Variants in ARL15 observed in about 807,000 individuals in gnomAD.
The protein encoded by ARL15 is ARF like GTPase 15.
ARL15 carries 19 observed loss-of-function variants against 25.2 expected under a neutral mutation model. The observed-to-expected ratio is 0.75, with a 90% CI of 0.53 to 1.10. The LOEUF (loss-of-function observed/expected upper bound fraction) is 1.10. Among genes scored for constraint, ARL15 ranks in the 50% least tolerant of loss-of-function variants. The probability of loss-of-function intolerance (pLI) is 0.00; values close to 1 mark genes in which losing one functional copy is unlikely to be tolerated. For synonymous variants in ARL15, 94 were observed against 86.8 expected (o/e 1.08, Z -0.46); for missense variants, 220 against 246.0 (o/e 0.89, Z 0.71).
Position 54,107,665 on chromosome 5 carries a change from C to T in ARL15, c.462+5537G>A, listed in dbSNP as rs946467608. The stretch of plus-strand genomic sequence containing the variant: ...AAAAAAGAGTACGAATTGAAAAAGG[C>T]TTCAAAATGTTCACTTTACATAAAA... On this transcript the variant is annotated intron_variant, in intron 4 of 4. Coordinates refer to ENST00000504924, the MANE Select transcript of ARL15 (RefSeq NM_019087.3). Among the ~76,000 whole-genome samples, 39 of 151,932 alleles carry T rather than the reference C, an allele frequency of 2.6e-4. 1 individual carries two copies. The highest frequency in any genetic ancestry group is 2.6e-3 in the Admixed American group (39 of 15,236).
chr5:53,891,693 T>G (rs1744713841), intron 4 of ARL15, among the ~76,000 whole-genome samples: 1 of 152,146 alleles, frequency 6.6e-6, no homozygotes, highest in Non-Finnish European at 1.5e-5. Flanking sequence ...ATGTTCCCTC[T>G]GTGAAAAACT....
intron 4 of ARL15, among the ~76,000 whole-genome samples, chr5:54,110,453 GCCT>G (rs1554040914): frequency 6.6e-6 from 1 of 151,982 alleles, no homozygotes; most frequent in Non-Finnish European, 1.5e-5. Context: ...AGAATCAATA[GCCT>G]TTATGACTGA....
intron 4 of ARL15, among the ~76,000 whole-genome samples, chr5:53,986,862 C>A (rs1486082503): frequency 1.3e-5 from 2 of 152,092 alleles, no homozygotes; most frequent in Admixed American, 6.6e-5. Flanking sequence ...CGGGAGCAAA[C>A]AGAGGAACCG....
chr5:54,097,165 C>T (rs1392003789), intron 4 of ARL15, among the ~76,000 whole-genome samples: 1 of 152,042 alleles, frequency 6.6e-6, no homozygotes, highest in Non-Finnish European at 1.5e-5. Flanking sequence ...AAATAGAAAA[C>T]AATTAACTGG....
At chr5:54,050,318 T>C (rs1469567726) in intron 4 of ARL15, among the ~76,000 whole-genome samples, 1 of 152,188 alleles carries the variant, frequency 6.6e-6, no homozygotes, top group Non-Finnish European at 1.5e-5. Flanking sequence ...AGAGATGAAA[T>C]TGTGCAGTTC....
At chr5:54,047,536 G>A (rs1447045757) in intron 4 of ARL15, among the ~76,000 whole-genome samples, 3 of 152,206 alleles carry the variant, frequency 2.0e-5, no homozygotes, top group African/African-American at 7.2e-5. Context: ...AAAGGACTCT[G>A]CTAGGGCATC....
intron 4 of ARL15, among the ~76,000 whole-genome samples, chr5:53,916,982 A>G (rs1377216472): frequency 6.6e-6 from 1 of 152,168 alleles, no homozygotes; most frequent in African/African-American, 2.4e-5. Flanking sequence ...GAAATACACA[A>G]AGCTTCAGCT....
intron 4 of ARL15, among the ~76,000 whole-genome samples, chr5:53,908,063 C>T (rs756322880): frequency 3.3e-5 from 5 of 152,118 alleles, no homozygotes; most frequent in Admixed American, 6.6e-5. Flanking sequence ...CATGCAGTTT[C>T]GCTTTCCGTG....
At chr5:54,051,071 A>C (rs1381660736) in intron 4 of ARL15, among the ~76,000 whole-genome samples, 1 of 152,192 alleles carries the variant, frequency 6.6e-6, no homozygotes, top group Non-Finnish European at 1.5e-5. Context: ...CAGAATAGGC[A>C]CTTGATAAAT....
chr5:54,195,418 C>T (rs1561261859), intron 1 of ARL15, among the ~76,000 whole-genome samples: 4 of 152,124 alleles, frequency 2.6e-5, no homozygotes. Flanking sequence ...CAACTGAAGG[C>T]CCCACAGTCA....
At chr5:54,001,637 C>T (rs552037940) in intron 4 of ARL15, among the ~76,000 whole-genome samples, 1 of 152,228 alleles carries the variant, frequency 6.6e-6, no homozygotes, top group Non-Finnish European at 1.5e-5. Context: ...TAAATCTGAG[C>T]ATCAAAGCAT....
At chr5:54,097,285 A>C (rs157234) in intron 4 of ARL15, among the ~76,000 whole-genome samples, 135,100 of 152,238 alleles carry the variant, frequency 0.89, 60,223 homozygotes, top group East Asian at 0.98. Context: ...TCACTGCACT[A>C]CAGCCTGGTG....
At chr5:54,005,793 C>T (rs1315795304) in intron 4 of ARL15, among the ~76,000 whole-genome samples, 3 of 150,930 alleles carry the variant, frequency 2.0e-5, no homozygotes, top group Non-Finnish European at 4.4e-5. Context: ...ACCCAGGAGG[C>T]GGAGCGTGCA....
intron 4 of ARL15, among the ~76,000 whole-genome samples, chr5:53,907,486 A>ATC (rs1175615384): frequency 8.9e-5 from 2 of 22,456 alleles, no homozygotes; most frequent in African/African-American, 4.3e-4. Context: ...ATATATATAT[A>ATC]TATTTTTTTT....
chr5:54,159,404 G>C (rs951384994), intron 2 of ARL15, among the ~76,000 whole-genome samples: 1 of 152,126 alleles, frequency 6.6e-6, no homozygotes, highest in Non-Finnish European at 1.5e-5. Context: ...TATCCTAGGA[G>C]TCCGAAGCAC....
chr5:54,046,572 G>A (rs1750523104), intron 4 of ARL15, among the ~76,000 whole-genome samples: 1 of 152,040 alleles, frequency 6.6e-6, no homozygotes, highest in Non-Finnish European at 1.5e-5. Flanking sequence ...ATACAAACCA[G>A]TTTGAATGAA....
Position 54,166,856 on chromosome 5 carries a change from C to A in ARL15, c.193+4928G>T, listed in dbSNP as rs1477646806. ...ATCATGATTTCTGGCCTCTTCCCAT[C>A]CCTGATAATCTTTGACTGACTGGCA... On this transcript the variant is annotated intron_variant, in intron 2 of 4. Transcript: ENST00000504924. Among the ~76,000 whole-genome samples, 4 of 152,128 alleles carry A rather than the reference C, an allele frequency of 2.6e-5. No homozygotes were observed. The East Asian group carries it at 7.7e-4, about 29-fold the overall frequency.
intron 4 of ARL15, among the ~76,000 whole-genome samples, chr5:54,057,062 T>TTA (rs555395809): frequency 6.9e-6 from 1 of 145,106 alleles, no homozygotes; most frequent in Non-Finnish European, 1.5e-5. Flanking sequence ...TATAGTCTAA[T>TTA]AAAAAAAAAA....
intron 4 of ARL15, among the ~76,000 whole-genome samples, chr5:54,085,643 C>T (rs960665598): frequency 2.0e-5 from 3 of 152,212 alleles, no homozygotes; most frequent in Admixed American, 2.0e-4. Context: ...TTTAAATTCC[C>T]TTCAGCTATC....
Sources: gnomAD v4.1 joint callset for allele counts (sites outside exome capture counted in the v4.1 genomes callset) on GRCh38, gnomAD v4.1.1 for gene constraint, MANE v1.5 for transcripts, NCBI Gene and HGNC (gene_info 2026-07-23, HGNC 2026-07-21) for gene names.